The following PCBP3 variants were observed in gnomAD, a reference collection of about 807,000 sequenced individuals.
PCBP3 encodes the protein poly(rC)-binding protein 3.
A neutral mutation model predicts 52.7 loss-of-function variants in PCBP3; 25 were observed. The ratio of observed to expected loss-of-function variants is 0.47; its 90% CI spans 0.35 to 0.66. The LOEUF is 0.66. PCBP3 is among the 30% of genes least tolerant of loss of function. The pLI is 0.01. For missense variants in PCBP3, 391 were observed against 490.3 expected (o/e 0.80, Z 1.91); for synonymous variants, 162 against 183.0 (o/e 0.89, Z 0.93).
At position 45,843,301 on chromosome 21, in the gene PCBP3, G is replaced by A. The variant is rs186611516; in HGVS notation, c.-125-6660G>A. 7.2e-5 allele frequency among the ~76,000 whole-genome samples: 11 copies of A among 152,222 alleles called. No individual in the cohort carries two copies. The East Asian group carries it at 1.5e-3, about 21-fold the overall frequency. ...CGTGACTACTATCCCCTGTGCCTTC[G>A]CAGTTGTTTTTCTTGATTAATCTCA... On this transcript the variant is annotated intron_variant, in intron 4 of 17. Transcript: ENST00000681687.
At chr21:45,687,434 T>C (rs2147703933) in intron 2 of PCBP3, among the ~76,000 whole-genome samples, 1 of 152,242 alleles carries the variant, frequency 6.6e-6, no homozygotes, top group South Asian at 2.1e-4. Flanking sequence ...AGTGATGTTG[T>C]CAGGGCTGGA....
In PCBP3 at chr21:45,917,611, T is replaced by C. The variant is rs376475310; in HGVS notation, c.699T>C (p.Tyr233=). ...GGQAYTIQGQ[Y]AIPHPDQLTK... ...AGGCCTACACAATCCAGGGACAGTATGCCATCCCTCACCCGGATGTGAGTC... is the reference window on the plus strand; with the variant it reads ...AGGCCTACACAATCCAGGGACAGTACGCCATCCCTCACCCGGATGTGAGTC... Residue 233 remains tyrosine, a synonymous_variant, in exon 13 of 18, where the codon TAT becomes TAC. Transcript: ENST00000681687. The surrounding 1 kb of genome is among the most constrained non-coding windows in gnomAD (Gnocchi z 5.3). 1.9e-6 allele frequency: 3 copies of C among 1,613,532 alleles called. No homozygotes were observed. Among genetic ancestry groups the C allele is most frequent in the South Asian group, 1.1e-5 (1 of 91,066 alleles).
intron 4 of PCBP3, among the ~76,000 whole-genome samples, chr21:45,787,737 G>A (rs980896252): frequency 1.3e-5 from 2 of 152,174 alleles, no homozygotes; most frequent in African/African-American, 2.4e-5. Flanking sequence ...TTGCTTCTCC[G>A]TCACTTTGCT....
chr21:45,852,774 T>TGCAGCCATGCTGATTTTTGTTCA (rs2094098752), intron 5 of PCBP3, among the ~76,000 whole-genome samples: 1 of 152,354 alleles, frequency 6.6e-6, no homozygotes, highest in African/African-American at 2.4e-5. Context: ...AACACAGCCC[T>TGCAGCCATGCTGATTTTTGTTCA]GTAAACACCG....
Position 45,941,973 on chromosome 21 carries a change from A to G in PCBP3, c.*267A>G, listed in dbSNP as rs1603583674. ...GCCCATGCACCGGCATGCAGTGGTA[A>G]TTATTTTAGAAATATTGTTCCTTGG... On this transcript the variant is annotated 3_prime_UTR_variant, in exon 18 of 18. Coordinates refer to ENST00000681687, the MANE Select transcript of PCBP3 (RefSeq NM_001384156.1). 2.5e-6 allele frequency: 1 copy of G among 402,858 alleles called. No homozygotes were observed. 25.0% of individuals were successfully genotyped at this position (402,858 alleles called of 1,614,324 possible).
chr21:45,815,802 AGTGAGTGGTGAGTGAGTG>A (rs2092917523), intron 4 of PCBP3, among the ~76,000 whole-genome samples: 1 of 24,220 alleles, frequency 4.1e-5, no homozygotes, highest in Non-Finnish European at 7.5e-5. Context: ...GTGAGTGATG[AGTGAGTGGTGAGTGAGTG>A]GTGAGTGGTG....
intron 9 of PCBP3, chr21:45,901,339 C>CT: frequency 2.0e-6 from 1 of 502,618 alleles, no homozygotes; most frequent in African/African-American, 1.9e-5. Context: ...CTACTCCCGG[C>CT]TGTATGCCTT....
intron 1 of PCBP3, among the ~76,000 whole-genome samples, chr21:45,661,040 C>CA (rs960933206): frequency 6.0e-5 from 9 of 151,164 alleles, no homozygotes; most frequent in Admixed American, 1.3e-4. Flanking sequence ...AACTCCATCT[C>CA]AAAAAAAATA....
intron 13 of PCBP3, among the ~76,000 whole-genome samples, chr21:45,924,246 G>A (rs113420272): frequency 4.9e-4 from 40 of 81,316 alleles, no homozygotes; most frequent in East Asian, 2.4e-3. Context: ...GAACAGTCGC[G>A]TGGATAGAAA....
intron 4 of PCBP3, among the ~76,000 whole-genome samples, chr21:45,797,113 T>G: frequency 6.6e-6 from 1 of 152,156 alleles, no homozygotes; most frequent in East Asian, 1.9e-4. Context: ...GTATTTGGGG[T>G]GAAAGAGCGT....
At chr21:45,884,163 T>C (rs1478147079) in intron 5 of PCBP3, among the ~76,000 whole-genome samples, 1 of 151,654 alleles carries the variant, frequency 6.6e-6, no homozygotes, top group African/African-American at 2.4e-5. Flanking sequence ...CTTGAACTCC[T>C]GGGCTCAAGT....
At chr21:45,858,847 T>C (rs989763089) in intron 5 of PCBP3, 2 of 152,160 alleles carry the variant, frequency 1.3e-5, no homozygotes, top group African/African-American at 2.4e-5. Flanking sequence ...TCCCGTGCTG[T>C]TCTCGTGATA....
rs116457735 is a variant in PCBP3, at chr21:45,938,255, C to T, written c.910-1775C>T. Reference sequence around the variant, plus strand: ...GCTGTGCGCTTCAGCAGACACCACGCGCTCCAGCGCAGAAAGTGTTAGGGA... The same window carrying T: ...GCTGTGCGCTTCAGCAGACACCACGTGCTCCAGCGCAGAAAGTGTTAGGGA... On this transcript the variant is annotated intron_variant, in intron 16 of 17. Coordinates refer to ENST00000681687, the MANE Select transcript of PCBP3 (RefSeq NM_001384156.1). 3.1e-3 allele frequency among the ~76,000 whole-genome samples: 467 copies of T among 152,330 alleles called. 3 individuals carry two copies. Among genetic ancestry groups the T allele is most frequent in the African/African-American group, 0.01 (430 of 41,562 alleles).
intron 5 of PCBP3, among the ~76,000 whole-genome samples, chr21:45,887,019 G>C (rs2095540245): frequency 6.6e-6 from 1 of 152,210 alleles, no homozygotes; most frequent in African/African-American, 2.4e-5. Context: ...TCACTGTGCT[G>C]TCCCTTCACT....
At chr21:45,902,560 G>A (rs2096087268) in intron 9 of PCBP3, among the ~76,000 whole-genome samples, 2 of 152,186 alleles carry the variant, frequency 1.3e-5, no homozygotes, top group African/African-American at 4.8e-5. Context: ...GGAGACTGAT[G>A]GAATACAGCA....
chr21:45,677,093 A>G (rs184156451), intron 2 of PCBP3, among the ~76,000 whole-genome samples: 355 of 152,316 alleles, frequency 2.3e-3, no homozygotes, highest in African/African-American at 7.7e-3. Flanking sequence ...AAAACTAGAA[A>G]TGATTAAGCT....
At chr21:45,846,904 T>C (rs1360159856) in intron 4 of PCBP3, among the ~76,000 whole-genome samples, 2 of 152,234 alleles carry the variant, frequency 1.3e-5, no homozygotes, top group African/African-American at 4.8e-5. Flanking sequence ...GTCATGTCTC[T>C]TGTGTAAAGC....
chr21:45,917,789 C>G lies in PCBP3; in HGVS notation c.717+160C>G. 1.4e-6 allele frequency: 1 copy of G among 699,352 alleles called. No individual in the cohort carries two copies. The highest frequency in any genetic ancestry group is 2.6e-6 in the Non-Finnish European group (1 of 384,510). The allele number at this position is 699,352 out of a possible 1,614,324, so 43.3% of individuals were successfully genotyped here. ...GTCGTATCCATATGACCTCGAATAA[C>G]CTTTTAACCTCTTAGCACTAATTCT... is the stretch of plus-strand genomic sequence containing the variant. On this transcript the variant is annotated intron_variant, in intron 13 of 17. Coordinates refer to ENST00000681687, the MANE Select transcript of PCBP3 (RefSeq NM_001384156.1). The surrounding 1 kb of genome is among the most constrained non-coding windows in gnomAD (Gnocchi z 5.3).
chr21:45,890,901 G>C (rs1463087405), intron 5 of PCBP3, among the ~76,000 whole-genome samples: 1 of 147,276 alleles, frequency 6.8e-6, no homozygotes, highest in Non-Finnish European at 1.5e-5. Flanking sequence ...CTGCTGAGGG[G>C]AATGTAGATA....
Sources: allele counts gnomAD v4.1 joint callset (sites outside exome capture counted in the v4.1 genomes callset), GRCh38; gene constraint gnomAD v4.1.1; non-coding constraint Gnocchi (gnomAD v3.1); transcripts MANE v1.5; gene names NCBI Gene and HGNC (gene_info 2026-07-23, HGNC 2026-07-21).